The following FGF14 variants were observed in gnomAD, a reference collection of about 807,000 sequenced individuals.
The protein encoded by FGF14 is fibroblast growth factor homologous factor 4.
A neutral mutation model predicts 25.5 loss-of-function variants in FGF14; 5 were observed. That is an observed-to-expected ratio of 0.20 (90% CI 0.10 to 0.41). The LOEUF (loss-of-function observed/expected upper bound fraction) is 0.41, where lower values mean the gene tolerates loss of function less well. FGF14 is among the 10% of genes least tolerant of loss of function. The probability of loss-of-function intolerance (pLI) is 1.00; values close to 1 mark genes in which losing one functional copy is unlikely to be tolerated. For synonymous variants in FGF14, 138 were observed against 118.3 expected, an observed-to-expected ratio of 1.17 and a Z score of -1.08; for missense variants, 222 against 320.1, an observed-to-expected ratio of 0.69 and a Z score of 2.34.
intron 1 of FGF14, among the ~76,000 whole-genome samples, chr13:101,908,694 C>A (rs979300785): frequency 6.6e-6 from 1 of 152,060 alleles, no homozygotes; most frequent in Non-Finnish European, 1.5e-5. Context: ...CAATGCCATC[C>A]CCATCAAGCT....
chr13:102,096,603 T>A (rs943482271), intron 1 of FGF14, among the ~76,000 whole-genome samples: 3 of 152,214 alleles, frequency 2.0e-5, no homozygotes, highest in African/African-American at 7.2e-5. Flanking sequence ...ATATTTACCC[T>A]GTTTTACATC....
chr13:102,028,083 A>G lies in FGF14; in HGVS notation c.209-152787T>C, dbSNP rs537884506. The stretch of plus-strand genomic sequence containing the variant: ...TTGATGGTACAACACAACTCTGCCA[A>G]CTGTCACTGTTAGAAAACCCCATAA... On this transcript the variant is annotated intron_variant, in intron 1 of 4. Transcript: ENST00000376131. Among the ~76,000 whole-genome samples, 278 of 152,118 alleles carry G rather than the reference A, an allele frequency of 1.8e-3. 1 individual carries two copies. Among genetic ancestry groups the G allele is most frequent in the African/African-American group, 6.1e-3 (252 of 41,538 alleles).
intron 1 of FGF14, among the ~76,000 whole-genome samples, chr13:102,317,738 C>CCTTCTGG (rs940216595): frequency 6.6e-6 from 1 of 152,184 alleles, no homozygotes; most frequent in Non-Finnish European, 1.5e-5. Context: ...ACATCCCACC[C>CCTTCTGG]CTTCTGGCTT....
intron 1 of FGF14, among the ~76,000 whole-genome samples, chr13:102,165,108 C>T (rs905949563): frequency 2.0e-5 from 3 of 152,028 alleles, no homozygotes; most frequent in South Asian, 2.1e-4. Flanking sequence ...ATTAAAACCA[C>T]AATGAGATAC....
At chr13:101,864,347 CTG>C (rs1014912284) in intron 3 of FGF14, among the ~76,000 whole-genome samples, 3 of 152,182 alleles carry the variant, frequency 2.0e-5, no homozygotes, top group Non-Finnish European at 4.4e-5. Flanking sequence ...TTCACCAACT[CTG>C]TTACCATCAC....
intron 1 of FGF14, among the ~76,000 whole-genome samples, chr13:102,076,619 T>C (rs1034354953): frequency 2.6e-5 from 4 of 152,072 alleles, no homozygotes; most frequent in Non-Finnish European, 4.4e-5. Context: ...TGAAAAAAAT[T>C]GAAGACACAA....
At chr13:101,956,953 C>T (rs1024188279) in intron 1 of FGF14, among the ~76,000 whole-genome samples, 2 of 151,730 alleles carry the variant, frequency 1.3e-5, no homozygotes, top group Non-Finnish European at 2.9e-5. Flanking sequence ...AAATTAAACT[C>T]TTACTACCAT....
chr13:102,204,598 G>A (rs1434087130), intron 1 of FGF14, among the ~76,000 whole-genome samples: 1 of 151,956 alleles, frequency 6.6e-6, no homozygotes, highest in African/African-American at 2.4e-5. Context: ...CCAGGCTGGG[G>A]TGCAGTGGTG....
chr13:101,844,985 A>G (rs2043376312), intron 3 of FGF14, among the ~76,000 whole-genome samples: 1 of 152,010 alleles, frequency 6.6e-6, no homozygotes. Context: ...ACTTGGTAGA[A>G]TAATAATAAA....
At chr13:101,883,178 T>C (rs1273093924) in intron 1 of FGF14, among the ~76,000 whole-genome samples, 2 of 152,214 alleles carry the variant, frequency 1.3e-5, no homozygotes, top group African/African-American at 4.8e-5. Flanking sequence ...TGCAACCAGT[T>C]ATATGCATCT....
upstream of FGF14, among the ~76,000 whole-genome samples, chr13:101,921,098 A>C (rs985871351): frequency 3.3e-5 from 5 of 152,158 alleles, no homozygotes; most frequent in African/African-American, 1.2e-4. Context: ...GCTAAAGAGT[A>C]AGGCATGAGC....
chr13:102,209,435 C>A (rs894380036), intron 1 of FGF14, among the ~76,000 whole-genome samples: 2 of 152,174 alleles, frequency 1.3e-5, no homozygotes, highest in Non-Finnish European at 2.9e-5. Context: ...CCGCACTATA[C>A]AATAAATTAA....
At chr13:102,282,267 T>A (rs1389739226) in intron 1 of FGF14, among the ~76,000 whole-genome samples, 1 of 152,118 alleles carries the variant, frequency 6.6e-6, no homozygotes, top group Non-Finnish European at 1.5e-5. Flanking sequence ...GGTTTCTCCA[T>A]GTTGGTCAGG....
chr13:101,788,208 T>C (rs1191771856), intron 3 of FGF14, among the ~76,000 whole-genome samples: 2 of 151,926 alleles, frequency 1.3e-5, no homozygotes, highest in African/African-American at 4.8e-5. Context: ...CCTGAAATCA[T>C]AGGGCAGTTC....
At chr13:102,198,517 G>A (rs9554857) in intron 1 of FGF14, among the ~76,000 whole-genome samples, 21,907 of 152,150 alleles carry the variant, frequency 0.14, 1,817 homozygotes, top group Non-Finnish European at 0.18. Context: ...TTAGGAAGGC[G>A]TAGGAGACTG....
At chr13:102,264,011 CTT>C (rs5806287) in intron 1 of FGF14, among the ~76,000 whole-genome samples, 6 of 144,242 alleles carry the variant, frequency 4.2e-5, no homozygotes, top group Admixed American at 6.9e-5. Flanking sequence ...TTTCTCTTTC[CTT>C]TTTTTTTTTT....
intron 1 of FGF14, among the ~76,000 whole-genome samples, chr13:102,380,315 A>C (rs922573320): frequency 2.0e-5 from 3 of 152,110 alleles, no homozygotes; most frequent in African/African-American, 7.2e-5. Flanking sequence ...AAAGTTCAGC[A>C]CGAGTGCCTC....
chr13:101,919,145 G>A (rs61965215), upstream of FGF14, among the ~76,000 whole-genome samples: 3 of 152,148 alleles, frequency 2.0e-5, no homozygotes, highest in Non-Finnish European at 4.4e-5. Flanking sequence ...GCTATTGAGT[G>A]TGTCTGTTGT....
At chr13:102,089,682 G>T (rs1340147679) in intron 1 of FGF14, among the ~76,000 whole-genome samples, 2 of 152,164 alleles carry the variant, frequency 1.3e-5, no homozygotes, top group Non-Finnish European at 2.9e-5. Flanking sequence ...AATCAAATGT[G>T]CCTCATGATA....
Sources: allele counts gnomAD v4.1 joint callset (sites outside exome capture counted in the v4.1 genomes callset), GRCh38; gene constraint gnomAD v4.1.1; transcripts MANE v1.5; gene names NCBI Gene and HGNC (gene_info 2026-07-23, HGNC 2026-07-21).